PDE11A: variants seen among roughly 807,000 people sequenced by gnomAD.
The protein encoded by PDE11A is phosphodiesterase 11A.
In PDE11A, 100 loss-of-function variants were observed where a neutral mutation model predicts 100.5. The observed-to-expected ratio is 1.00, with a 90% CI of 0.85 to 1.18. The LOEUF (loss-of-function observed/expected upper bound fraction) is 1.18, where lower values mean the gene tolerates loss of function less well. Among genes scored for constraint, PDE11A ranks in the 50% most tolerant of loss-of-function variants. The pLI is 0.00. For missense variants in PDE11A, 1,141 were observed against 1,152.6 expected, an observed-to-expected ratio of 0.99 and a Z score of 0.15; for synonymous variants, 381 against 420.8, an observed-to-expected ratio of 0.91 and a Z score of 1.16.
At chr2:178,034,105 T>C (rs1286042655) in intron 1 of PDE11A, among the ~76,000 whole-genome samples, 1 of 151,726 alleles carries the variant, frequency 6.6e-6, no homozygotes, top group African/African-American at 2.4e-5. Flanking sequence ...GACTGGAAAA[T>C]TGGATAAAGA....
chr2:177,645,789 T>A (rs189458845), intron 19 of PDE11A, among the ~76,000 whole-genome samples: 7 of 152,330 alleles, frequency 4.6e-5, no homozygotes, highest in Admixed American at 4.6e-4. Flanking sequence ...ACCCAAGTTA[T>A]AACAAAAGAT....
intron 5 of PDE11A, among the ~76,000 whole-genome samples, chr2:177,872,380 A>G (rs2084151672): frequency 6.6e-6 from 1 of 152,226 alleles, no homozygotes; most frequent in Non-Finnish European, 1.5e-5. Context: ...AGAGGAGCAC[A>G]CTTCATGGAG....
chr2:177,972,287 A>G (rs1023324632), intron 2 of PDE11A, among the ~76,000 whole-genome samples: 1 of 152,206 alleles, frequency 6.6e-6, no homozygotes, highest in African/African-American at 2.4e-5. Context: ...ACAGGAAGAG[A>G]ACAGTGACAG....
chr2:177,720,335 C>A (rs1232391107), intron 12 of PDE11A, among the ~76,000 whole-genome samples: 1 of 151,986 alleles, frequency 6.6e-6, no homozygotes, highest in African/African-American at 2.4e-5. Context: ...TCGCAGCATA[C>A]CTTCTTTTTA....
chr2:178,029,058 A>C (rs1527296), intron 1 of PDE11A, among the ~76,000 whole-genome samples: 76,425 of 152,006 alleles, frequency 0.5, 19,995 homozygotes, highest in East Asian at 0.71. Flanking sequence ...TGCCTTACTT[A>C]AGAAAGGTTA....
At chr2:177,956,995 T>C (rs540728051) in intron 2 of PDE11A, among the ~76,000 whole-genome samples, 2 of 151,922 alleles carry the variant, frequency 1.3e-5, no homozygotes, top group African/African-American at 4.8e-5. Context: ...GGCACATGTA[T>C]ACATATGTAA....
chr2:177,773,705 G>T (rs190317823), intron 9 of PDE11A, among the ~76,000 whole-genome samples: 4 of 152,180 alleles, frequency 2.6e-5, no homozygotes, highest in Admixed American at 2.0e-4. Flanking sequence ...AACCAGTAGA[G>T]GGGGGAGAGA....
chr2:178,019,129 T>C (rs1045153691), intron 1 of PDE11A, among the ~76,000 whole-genome samples: 1 of 152,188 alleles, frequency 6.6e-6, no homozygotes, highest in Non-Finnish European at 1.5e-5. Flanking sequence ...AATTAGACAA[T>C]ATTTAATTTT....
In PDE11A at chr2:177,758,271, T is replaced by C. The variant is rs557020866; in HGVS notation, c.1788+11052A>G. Among the ~76,000 whole-genome samples, 12 of 126,922 alleles carry C rather than the reference T, an allele frequency of 9.5e-5. No homozygotes were observed. The East Asian group carries it at 2.3e-3, about 24-fold the overall frequency. 83.3% of individuals were successfully genotyped at this position (126,922 alleles called of 152,430 possible). ...GAGATGGCGCCATTGCACTCCAGCC[T>C]GGGTGAGAGTGCAAGACTCCGTCTC... On this transcript the variant is annotated intron_variant, in intron 10 of 19. Coordinates refer to ENST00000286063, the MANE Select transcript of PDE11A (RefSeq NM_016953.4).
chr2:178,027,253 G>A (rs1326733688), intron 1 of PDE11A, among the ~76,000 whole-genome samples: 1 of 152,044 alleles, frequency 6.6e-6, no homozygotes, highest in Non-Finnish European at 1.5e-5. Flanking sequence ...ATTATATTAT[G>A]ATATAGACAC....
At chr2:177,881,200 G>A (rs1020004930) in intron 4 of PDE11A, among the ~76,000 whole-genome samples, 1 of 152,138 alleles carries the variant, frequency 6.6e-6, no homozygotes, top group African/African-American at 2.4e-5. Context: ...TCTGGTCTTT[G>A]AACTCAGACT....
intron 1 of PDE11A, among the ~76,000 whole-genome samples, chr2:178,016,410 C>T (rs940911642): frequency 1.8e-4 from 27 of 152,094 alleles, no homozygotes; most frequent in African/African-American, 6.5e-4. Flanking sequence ...AACCAAATCT[C>T]CTGCTCAAAA....
At chr2:177,678,505 A>C (rs1316433127) in intron 16 of PDE11A, among the ~76,000 whole-genome samples, 1 of 152,202 alleles carries the variant, frequency 6.6e-6, no homozygotes, top group Non-Finnish European at 1.5e-5. Context: ...ATTTCTTAGG[A>C]GGTATATCTC....
chr2:177,950,282 G>A (rs1356879476), intron 2 of PDE11A, among the ~76,000 whole-genome samples: 2 of 151,838 alleles, frequency 1.3e-5, no homozygotes, highest in South Asian at 4.2e-4. Context: ...AGTTCCCCAG[G>A]AATGTCTTGC....
chr2:178,076,088 C>A (rs1470498726), upstream of PDE11A, among the ~76,000 whole-genome samples: 1 of 152,090 alleles, frequency 6.6e-6, no homozygotes, highest in Admixed American at 6.5e-5. Flanking sequence ...AGATACTGTG[C>A]AGTCCATAGA....
chr2:177,633,366 C>G (rs1249285494), intron 19 of PDE11A, among the ~76,000 whole-genome samples: 4 of 152,168 alleles, frequency 2.6e-5, no homozygotes, highest in African/African-American at 9.7e-5. Flanking sequence ...CAACTGCAAA[C>G]CACCTGTTAG....
At chr2:178,098,145 T>A (rs1024044404) in intron 2 of PDE11A, among the ~76,000 whole-genome samples, 1 of 152,132 alleles carries the variant, frequency 6.6e-6, no homozygotes, top group Non-Finnish European at 1.5e-5. Flanking sequence ...ATAAAGCATA[T>A]AAAATCCTGA....
chr2:178,040,370 T>C (rs2086668757), intron 1 of PDE11A, among the ~76,000 whole-genome samples: 1 of 152,226 alleles, frequency 6.6e-6, no homozygotes, highest in African/African-American at 2.4e-5. Flanking sequence ...TTTTACATTT[T>C]AATCTGGTGT....
intron 5 of PDE11A, among the ~76,000 whole-genome samples, chr2:177,858,810 A>C (rs563945015): frequency 1.3e-5 from 2 of 151,982 alleles, no homozygotes; most frequent in African/African-American, 4.8e-5. Context: ...TGTTTACTGC[A>C]GCACTATTCA....
Sources: allele counts gnomAD v4.1 joint callset (sites outside exome capture counted in the v4.1 genomes callset), GRCh38; gene constraint gnomAD v4.1.1; transcripts MANE v1.5; gene names NCBI Gene and HGNC (gene_info 2026-07-23, HGNC 2026-07-21).